Variants in CAMTA1 observed in about 807,000 individuals in gnomAD.
CAMTA1 encodes calmodulin-binding transcription activator 1.
A neutral mutation model predicts 170.9 loss-of-function variants in CAMTA1; 27 were observed. The ratio of observed to expected loss-of-function variants is 0.16; its 90% CI spans 0.12 to 0.22. The LOEUF is 0.22. Ranked by LOEUF, CAMTA1 falls within the 10% of genes least tolerant of loss-of-function variation. The pLI is 1.00. For missense variants in CAMTA1, 1,619 were observed against 2,217.2 expected, an observed-to-expected ratio of 0.73 and a Z score of 5.42; for synonymous variants, 833 against 891.5, an observed-to-expected ratio of 0.93 and a Z score of 1.17.
At chr1:7,602,744 T>A (rs2095456956) in intron 6 of CAMTA1, among the ~76,000 whole-genome samples, 1 of 152,244 alleles carries the variant, frequency 6.6e-6, no homozygotes. Flanking sequence ...TTAATTGTGA[T>A]GTTAGGGTGT....
chr1:7,266,773 G>T (rs1574312126), intron 5 of CAMTA1, among the ~76,000 whole-genome samples: 1 of 152,212 alleles, frequency 6.6e-6, no homozygotes, highest in African/African-American at 2.4e-5. Context: ...GCAAAGAGCT[G>T]GGCAGGGCTT....
At chr1:7,114,454 CAAAA>C (rs1483559536) in intron 4 of CAMTA1, among the ~76,000 whole-genome samples, 1 of 147,528 alleles carries the variant, frequency 6.8e-6, no homozygotes, top group Non-Finnish European at 1.5e-5. Flanking sequence ...CCAGAAAAAA[CAAAA>C]AAAAGAGAAT....
chr1:7,478,487 T>C lies in CAMTA1; in HGVS notation c.510+10586T>C, dbSNP rs571258854. 4.6e-5 allele frequency among the ~76,000 whole-genome samples: 7 copies of C among 152,344 alleles called. No individual in the cohort carries two copies. In the South Asian group the frequency reaches 1.5e-3, roughly 32 times the overall value. ...CCTCTGTCCCTCAGCCCTTAGGGAC[T>C]GGGCTGCCCAGGCTTGACTGGGAGA... On this transcript the variant is annotated intron_variant, in intron 6 of 22. Coordinates refer to ENST00000303635, the MANE Select transcript of CAMTA1 (RefSeq NM_015215.4).
chr1:7,398,392 A>G (rs1252647108), intron 5 of CAMTA1, among the ~76,000 whole-genome samples: 2 of 151,374 alleles, frequency 1.3e-5, no homozygotes, highest in Non-Finnish European at 3.0e-5. Flanking sequence ...TGATATAAGT[A>G]TGGCTACTCC....
chr1:7,530,485 C>T (rs970984942), intron 6 of CAMTA1, among the ~76,000 whole-genome samples: 1 of 152,220 alleles, frequency 6.6e-6, no homozygotes, highest in South Asian at 2.1e-4. Context: ...TCCAGGGAGC[C>T]TCACAAATGT....
intron 5 of CAMTA1, among the ~76,000 whole-genome samples, chr1:7,303,375 A>G (rs887469189): frequency 1.3e-5 from 2 of 152,236 alleles, no homozygotes; most frequent in Middle Eastern, 3.2e-3. Context: ...ATAAAACTGT[A>G]TAAAAAGTCC....
At chr1:6,969,754 C>T (rs12033659) in intron 3 of CAMTA1, among the ~76,000 whole-genome samples, 40,730 of 152,240 alleles carry the variant, frequency 0.27, 6,963 homozygotes, top group East Asian at 0.6. Context: ...CCACATTCCT[C>T]AGCAATGGGT....
At chr1:7,575,905 C>T (rs2095185718) in intron 6 of CAMTA1, among the ~76,000 whole-genome samples, 1 of 152,190 alleles carries the variant, frequency 6.6e-6, no homozygotes, top group African/African-American at 2.4e-5. Flanking sequence ...GTTCCTGCTT[C>T]CCTGGAGACG....
At chr1:7,390,231 G>T (rs540254291) in intron 5 of CAMTA1, among the ~76,000 whole-genome samples, 1 of 152,186 alleles carries the variant, frequency 6.6e-6, no homozygotes, top group Non-Finnish European at 1.5e-5. Flanking sequence ...AGCAAAGCGA[G>T]CTTAGGGTTC....
intron 3 of CAMTA1, among the ~76,000 whole-genome samples, chr1:6,977,093 T>C (rs1051614396): frequency 2.0e-5 from 3 of 152,168 alleles, no homozygotes; most frequent in Non-Finnish European, 2.9e-5. Context: ...GGTCTGTCTT[T>C]ATTAGCAGCG....
chr1:7,647,402 C>T (rs1448368257), intron 7 of CAMTA1, among the ~76,000 whole-genome samples: 2 of 152,158 alleles, frequency 1.3e-5, no homozygotes, highest in Non-Finnish European at 2.9e-5. Flanking sequence ...CGTTCCTGGT[C>T]GACCAGCGCC....
chr1:7,525,483 C>A (rs773474535), intron 6 of CAMTA1, among the ~76,000 whole-genome samples: 3 of 152,036 alleles, frequency 2.0e-5, no homozygotes, highest in Admixed American at 2.0e-4. Context: ...TCTTTATATG[C>A]AAATCTCTTC....
At chr1:7,694,369 A>G (rs1027875171) in intron 11 of CAMTA1, 1 of 152,192 alleles carries the variant, frequency 6.6e-6, no homozygotes, top group Non-Finnish European at 1.5e-5. Context: ...TATTGTGCAG[A>G]GCTCCAGTTT....
intron 3 of CAMTA1, among the ~76,000 whole-genome samples, chr1:6,907,145 A>G (rs1486455632): frequency 1.3e-5 from 2 of 152,200 alleles, no homozygotes; most frequent in African/African-American, 2.4e-5. Context: ...CTTTCTAAAA[A>G]TCCGGTGTGT....
intron 3 of CAMTA1, among the ~76,000 whole-genome samples, chr1:6,942,270 G>A (rs1217610016): frequency 6.6e-6 from 1 of 152,104 alleles, no homozygotes; most frequent in Non-Finnish European, 1.5e-5. Context: ...TAATATTACA[G>A]TGACATTAAC....
intron 5 of CAMTA1, among the ~76,000 whole-genome samples, chr1:7,264,899 C>A (rs1034453): frequency 0.12 from 18,916 of 152,166 alleles, 1,240 homozygotes; most frequent in Middle Eastern, 0.29. Context: ...AATAGAATGC[C>A]TTAAGTTTGA....
At chr1:7,128,267 A>G (rs1156699504) in intron 4 of CAMTA1, among the ~76,000 whole-genome samples, 2 of 152,102 alleles carry the variant, frequency 1.3e-5, no homozygotes, top group Admixed American at 6.5e-5. Context: ...TTTTGCTATA[A>G]TAAGTCTTCA....
chr1:7,683,880 G>A (rs1260499726), intron 11 of CAMTA1, among the ~76,000 whole-genome samples: 8 of 152,330 alleles, frequency 5.3e-5, no homozygotes, highest in East Asian at 1.9e-4. Flanking sequence ...GGTGGGAGTC[G>A]CATCAGCATC....
chr1:7,425,326 C>T (rs1424375379), intron 5 of CAMTA1, among the ~76,000 whole-genome samples: 1 of 152,106 alleles, frequency 6.6e-6, no homozygotes, highest in East Asian at 1.9e-4. Context: ...GCACAGTTCC[C>T]TGGGGGCCAG....
Sources: allele counts gnomAD v4.1 joint callset (sites outside exome capture counted in the v4.1 genomes callset), GRCh38; gene constraint gnomAD v4.1.1; transcripts MANE v1.5; gene names NCBI Gene and HGNC (gene_info 2026-07-23, HGNC 2026-07-21).